Variants in KCTD16 observed in about 807,000 individuals in gnomAD.
KCTD16 encodes the protein BTB/POZ domain-containing protein KCTD16.
KCTD16 carries 13 observed loss-of-function variants against 33.2 expected under a neutral mutation model. That is an observed-to-expected ratio of 0.39 (90% CI 0.25 to 0.62). KCTD16 has a LOEUF of 0.62. KCTD16 is among the 20% of genes least tolerant of loss of function. The pLI, the probability that KCTD16 is intolerant of heterozygous loss-of-function variation, is 0.50. For synonymous variants in KCTD16, 197 were observed against 195.3 expected, an observed-to-expected ratio of 1.01 and a Z score of -0.07; for missense variants, 441 against 525.1, an observed-to-expected ratio of 0.84 and a Z score of 1.57.
At chr5:144,249,680 A>G (rs1237440610) in intron 3 of KCTD16, among the ~76,000 whole-genome samples, 2 of 152,252 alleles carry the variant, frequency 1.3e-5, no homozygotes, top group African/African-American at 2.4e-5. Flanking sequence ...TACAAATTGC[A>G]AAGTATTTCA....
intron 3 of KCTD16, among the ~76,000 whole-genome samples, chr5:144,359,471 T>G (rs1238107122): frequency 6.6e-6 from 1 of 152,086 alleles, no homozygotes; most frequent in East Asian, 1.9e-4. Flanking sequence ...GCACTGCCAT[T>G]GCTTCTTATT....
chr5:144,206,283 C>T (rs1753167095), intron 2 of KCTD16, 106 bp from the exon 3 acceptor site: 1 of 159,812 alleles, frequency 6.3e-6, no homozygotes, highest in African/African-American at 2.4e-5. Context: ...AATAATCTCT[C>T]TCTCCCTCCC....
intron 3 of KCTD16, among the ~76,000 whole-genome samples, chr5:144,235,087 A>T (rs539853647): frequency 5.1e-4 from 77 of 152,292 alleles, no homozygotes; most frequent in African/African-American, 1.6e-3. Context: ...ACCCAATGAA[A>T]ATACACAAAC....
chr5:144,358,873 G>C (rs1235781431), intron 3 of KCTD16, among the ~76,000 whole-genome samples: 1 of 152,094 alleles, frequency 6.6e-6, no homozygotes, highest in Admixed American at 6.6e-5. Context: ...GCCTCCCATA[G>C]GCCCTACCTC....
chr5:144,418,193 T>G (rs935989404), intron 3 of KCTD16, among the ~76,000 whole-genome samples: 4 of 152,118 alleles, frequency 2.6e-5, no homozygotes, highest in African/African-American at 9.7e-5. Flanking sequence ...ATAAAGGTAG[T>G]GCAGACCCAA....
chr5:144,417,401 G>A (rs1023539945), intron 3 of KCTD16, among the ~76,000 whole-genome samples: 1 of 151,834 alleles, frequency 6.6e-6, no homozygotes, highest in Non-Finnish European at 1.5e-5. Context: ...TGTGTTTGTT[G>A]CCCATTTGCA....
intron 3 of KCTD16, among the ~76,000 whole-genome samples, chr5:144,457,780 G>T (rs1308965872): frequency 6.6e-6 from 1 of 152,142 alleles, no homozygotes; most frequent in African/African-American, 2.4e-5. Flanking sequence ...CAAGGTGTAG[G>T]CCAATAATCC....
intron 3 of KCTD16, among the ~76,000 whole-genome samples, chr5:144,294,723 T>A (rs977009781): frequency 9.9e-5 from 15 of 152,122 alleles, no homozygotes; most frequent in Non-Finnish European, 2.2e-4. Context: ...CAGAACTGGG[T>A]TCTAATCATT....
intron 3 of KCTD16, among the ~76,000 whole-genome samples, chr5:144,291,514 C>T (rs1229012321): frequency 2.6e-5 from 4 of 152,098 alleles, no homozygotes; most frequent in Non-Finnish European, 5.9e-5. Context: ...AGGCTATGCA[C>T]CCTTTAAAGA....
intron 3 of KCTD16, among the ~76,000 whole-genome samples, chr5:144,265,054 A>G (rs889063238): frequency 1.2e-4 from 19 of 152,236 alleles, no homozygotes; most frequent in African/African-American, 4.3e-4. Flanking sequence ...ACTCTCTACT[A>G]TAGAAGAATA....
intron 3 of KCTD16, among the ~76,000 whole-genome samples, chr5:144,454,698 C>A (rs1754021779): frequency 6.6e-6 from 1 of 152,128 alleles, no homozygotes; most frequent in Non-Finnish European, 1.5e-5. Flanking sequence ...ATTATCCTCT[C>A]TTCTTTACCC....
intron 3 of KCTD16, among the ~76,000 whole-genome samples, chr5:144,220,972 G>A (rs1161506889): frequency 3.3e-5 from 5 of 151,636 alleles, no homozygotes; most frequent in Admixed American, 3.3e-4. Flanking sequence ...ATGAGTGAAA[G>A]ATAAAAAAGA....
chr5:144,288,437 G>C (rs985664197), intron 3 of KCTD16, among the ~76,000 whole-genome samples: 1 of 152,124 alleles, frequency 6.6e-6, no homozygotes, highest in Non-Finnish European at 1.5e-5. Context: ...GACAAATGTA[G>C]GTTAGGATGG....
chr5:144,179,290 A>C (rs1297646666), intron 2 of KCTD16, among the ~76,000 whole-genome samples: 2 of 152,176 alleles, frequency 1.3e-5, no homozygotes, highest in Admixed American at 6.5e-5. Context: ...CTCAGGCCTC[A>C]ACCCAAGTGG....
chr5:144,254,762 C>T (rs927293857), intron 3 of KCTD16, among the ~76,000 whole-genome samples: 1 of 151,798 alleles, frequency 6.6e-6, no homozygotes, highest in Non-Finnish European at 1.5e-5. Flanking sequence ...TGGAAGCATG[C>T]AGTATTTGTC....
At chr5:144,219,863 C>T (rs1753686691) in intron 3 of KCTD16, among the ~76,000 whole-genome samples, 2 of 152,006 alleles carry the variant, frequency 1.3e-5, no homozygotes, top group Non-Finnish European at 2.9e-5. Context: ...ATGTTTGGAC[C>T]CAGCAGGAGA....
intron 3 of KCTD16, among the ~76,000 whole-genome samples, chr5:144,273,324 A>C (rs1011619473): frequency 1.1e-4 from 16 of 152,172 alleles, no homozygotes; most frequent in African/African-American, 3.9e-4. Context: ...ATCAGAAAAC[A>C]ACAAATGTTG....
chr5:144,369,556 G>A (rs1362033220), intron 3 of KCTD16: 1 of 152,132 alleles, frequency 6.6e-6, no homozygotes, highest in Non-Finnish European at 1.5e-5. Context: ...AGAATGGATT[G>A]AGTCACAATT....
chr5:144,376,692 G>T (rs1443181810), intron 3 of KCTD16, among the ~76,000 whole-genome samples: 1 of 152,222 alleles, frequency 6.6e-6, no homozygotes, highest in Non-Finnish European at 1.5e-5. Context: ...AATCCTTCCT[G>T]TGAGTCCTAG....
Sources: gnomAD v4.1 joint callset for allele counts (sites outside exome capture counted in the v4.1 genomes callset) on GRCh38, gnomAD v4.1.1 for gene constraint, MANE v1.5 for transcripts, NCBI Gene and HGNC (gene_info 2026-07-23, HGNC 2026-07-21) for gene names.